SPAG16: variants seen among roughly 807,000 people sequenced by gnomAD.
SPAG16 encodes the protein sperm associated antigen 16, also known as sperm-associated antigen 16 protein.
Under a neutral mutation model 80.4 loss-of-function variants are expected in SPAG16, and 86 were observed. The ratio of observed to expected loss-of-function variants is 1.07; its 90% CI spans 0.90 to 1.28. SPAG16 has a LOEUF of 1.28. SPAG16 is among the 50% of genes most tolerant of loss of function. The pLI, the probability that SPAG16 is intolerant of heterozygous loss-of-function variation, is 0.00. For missense variants in SPAG16, 870 were observed against 765.3 expected, an observed-to-expected ratio of 1.14 and a Z score of -1.61; for synonymous variants, 294 against 265.9, an observed-to-expected ratio of 1.11 and a Z score of -1.03.
chr2:214,059,205 T>C (rs2050110927), intron 13 of SPAG16, among the ~76,000 whole-genome samples: 1 of 108,472 alleles, frequency 9.2e-6, no homozygotes, highest in Non-Finnish European at 1.8e-5. Context: ...TATATATATA[T>C]ATATATATAT....
chr2:214,113,913 A>G (rs1370420725), intron 14 of SPAG16, among the ~76,000 whole-genome samples: 1 of 152,106 alleles, frequency 6.6e-6, no homozygotes, highest in East Asian at 1.9e-4. Flanking sequence ...GCTCTGGTTT[A>G]TAGAATTTTC....
In SPAG16 at chr2:214,277,552, G is replaced by A. The variant is rs113523376; in HGVS notation, c.1720+128286G>A. Among the ~76,000 whole-genome samples, 254 of 152,300 alleles carry A rather than the reference G, an allele frequency of 1.7e-3. 2 individuals are homozygous for A. Among genetic ancestry groups the A allele is most frequent in the African/African-American group, 5.5e-3 (228 of 41,552 alleles). ...CTTCTGACAGTCAGGTCCCTCAGCT[G>A]CAGGTCTGTTGGAGTTTGCTGGAGG... On this transcript the variant is annotated intron_variant, in intron 15 of 15. Transcript: ENST00000331683.
chr2:213,792,465 C>T (rs1363882258), intron 10 of SPAG16, among the ~76,000 whole-genome samples: 1 of 152,078 alleles, frequency 6.6e-6, no homozygotes, highest in Non-Finnish European at 1.5e-5. Flanking sequence ...TCAATTTCCC[C>T]AGTCTGAAAT....
chr2:213,931,559 T>C (rs149335641), intron 12 of SPAG16, among the ~76,000 whole-genome samples: 1 of 152,320 alleles, frequency 6.6e-6, no homozygotes, highest in African/African-American at 2.4e-5. Flanking sequence ...AAAACAGTGA[T>C]CTTTTCTAAA....
intron 15 of SPAG16, among the ~76,000 whole-genome samples, chr2:214,210,992 C>G (rs1286907143): frequency 6.6e-6 from 1 of 151,812 alleles, no homozygotes; most frequent in Non-Finnish European, 1.5e-5. Flanking sequence ...AGTGATAAAC[C>G]AAAGCAATGA....
intron 13 of SPAG16, among the ~76,000 whole-genome samples, chr2:214,020,639 C>A (rs894525975): frequency 6.6e-6 from 1 of 152,058 alleles, no homozygotes; most frequent in Non-Finnish European, 1.5e-5. Context: ...ACAAAAAATA[C>A]AAAACTCCTA....
At chr2:214,222,888 T>G (rs1313974238) in intron 15 of SPAG16, among the ~76,000 whole-genome samples, 1 of 152,192 alleles carries the variant, frequency 6.6e-6, no homozygotes, top group Non-Finnish European at 1.5e-5. Flanking sequence ...TTTTTAAAAC[T>G]CTACAGATAA....
intron 13 of SPAG16, among the ~76,000 whole-genome samples, chr2:214,040,369 G>A (rs2048942070): frequency 6.6e-6 from 1 of 151,954 alleles, no homozygotes; most frequent in Non-Finnish European, 1.5e-5. Flanking sequence ...GTGTCATAGG[G>A]GTTTGTTTCA....
At chr2:213,309,953 T>G in intron 3 of SPAG16, 106 bp from the exon 4 acceptor site, 1 of 680,234 alleles carries the variant, frequency 1.5e-6, no homozygotes, top group Non-Finnish European at 2.5e-6. Flanking sequence ...CAACAAACAT[T>G]GTTGAAAAAA....
chr2:213,855,262 C>G (rs2075096480), intron 10 of SPAG16, among the ~76,000 whole-genome samples: 1 of 152,208 alleles, frequency 6.6e-6, no homozygotes, highest in Admixed American at 6.5e-5. Flanking sequence ...ACATTCTCTG[C>G]TCTTGCTTTC....
chr2:213,780,446 C>T (rs2069870590), intron 10 of SPAG16, among the ~76,000 whole-genome samples: 1 of 151,868 alleles, frequency 6.6e-6, no homozygotes, highest in Non-Finnish European at 1.5e-5. Flanking sequence ...ACCTTTTTCT[C>T]TTATTATTCC....
At chr2:213,311,995 G>T (rs1426704840) in intron 4 of SPAG16, among the ~76,000 whole-genome samples, 1 of 151,358 alleles carries the variant, frequency 6.6e-6, no homozygotes, top group African/African-American at 2.4e-5. Context: ...CCTTTAAATC[G>T]AGGGTTAGAA....
At chr2:213,327,979 G>A (rs2063916273) in intron 5 of SPAG16, among the ~76,000 whole-genome samples, 1 of 152,070 alleles carries the variant, frequency 6.6e-6, no homozygotes, top group Non-Finnish European at 1.5e-5. Flanking sequence ...ACGCTTTGAA[G>A]CTCATTATAT....
chr2:213,522,962 T>C (rs1306674693), intron 10 of SPAG16, among the ~76,000 whole-genome samples: 1 of 151,816 alleles, frequency 6.6e-6, no homozygotes, highest in Non-Finnish European at 1.5e-5. Flanking sequence ...CAACTAATTA[T>C]TGTTAATTTA....
intron 10 of SPAG16, among the ~76,000 whole-genome samples, chr2:213,582,357 T>G (rs79734283): frequency 0.011 from 1,632 of 152,260 alleles, 30 homozygotes; most frequent in African/African-American, 0.037. Context: ...GAATAAAAGT[T>G]ATTTTTAACA....
chr2:213,639,235 C>T (rs1053767122), intron 10 of SPAG16, among the ~76,000 whole-genome samples: 1 of 152,178 alleles, frequency 6.6e-6, no homozygotes, highest in African/African-American at 2.4e-5. Flanking sequence ...AGACCATTTA[C>T]ATTCAAAGTT....
intron 3 of SPAG16, among the ~76,000 whole-genome samples, chr2:213,300,243 C>T (rs1173974289): frequency 1.3e-5 from 2 of 152,106 alleles, no homozygotes; most frequent in African/African-American, 2.4e-5. Context: ...TACCCCTTTT[C>T]CTCCTCTTTC....
chr2:213,604,219 G>C (rs1411963080), intron 10 of SPAG16, among the ~76,000 whole-genome samples: 3 of 152,102 alleles, frequency 2.0e-5, no homozygotes, highest in Non-Finnish European at 4.4e-5. Context: ...TTGTGTGTCA[G>C]TTTAAATGCT....
chr2:213,613,401 T>C (rs1283198723), intron 10 of SPAG16, among the ~76,000 whole-genome samples: 1 of 152,230 alleles, frequency 6.6e-6, no homozygotes, highest in Non-Finnish European at 1.5e-5. Flanking sequence ...CTCCTAATGC[T>C]CTGCCTCCTT....
Sources: allele counts gnomAD v4.1 joint callset (sites outside exome capture counted in the v4.1 genomes callset), GRCh38; gene constraint gnomAD v4.1.1; transcripts MANE v1.5; gene names NCBI Gene and HGNC (gene_info 2026-07-23, HGNC 2026-07-21).